Variants in POTEI observed in about 807,000 individuals in gnomAD.
The protein encoded by POTEI is POTE ankyrin domain family member I.
Under a neutral mutation model 43.4 loss-of-function variants are expected in POTEI, and 14 were observed. The ratio of observed to expected loss-of-function variants is 0.32; its 90% CI spans 0.21 to 0.50. The LOEUF (loss-of-function observed/expected upper bound fraction) is 0.50. Among genes scored for constraint, POTEI ranks in the 20% least tolerant of loss-of-function variants. POTEI has a pLI of 0.98. For synonymous variants in POTEI, 95 were observed against 297.9 expected (o/e 0.32, Z 7.01); for missense variants, 235 against 795.4 (o/e 0.30, Z 8.47).
At chr2:130,468,864 G>A (rs1682951736) in intron 13 of POTEI, among the ~76,000 whole-genome samples, 1 of 152,134 alleles carries the variant, frequency 6.6e-6, no homozygotes, top group Admixed American at 6.5e-5. Flanking sequence ...AGCTAGATTT[G>A]CCAGCAGAAA....
Position 130,478,545 on chromosome 2 carries a change from C to T in POTEI, c.1481-1844G>A, listed in dbSNP as rs1377162023. Among the ~76,000 whole-genome samples, 13 of 87,016 alleles carry T rather than the reference C, an allele frequency of 1.5e-4. 1 individual carries two copies. In the South Asian group the frequency reaches 1.8e-3, roughly 12 times the overall value. 57.1% of individuals were successfully genotyped at this position (87,016 alleles called of 152,430 possible). On this transcript the variant is annotated intron_variant, in intron 10 of 14. Coordinates refer to ENST00000451531, the MANE Select transcript of POTEI (RefSeq NM_001277406.2). ...CTAAAAAATTCTGATTGGCTGCAGG[C>T]GGCAAGAGGGAAAAACACAAAGCAC...
intron 10 of POTEI, among the ~76,000 whole-genome samples, chr2:130,477,872 G>T (rs1249718979): frequency 7.0e-6 from 1 of 142,090 alleles, no homozygotes; most frequent in Admixed American, 7.0e-5. Context: ...CGGGAGCGAG[G>T]CCTGAAAGAG....
intron 4 of POTEI, 73 bp downstream of exon 4, chr2:130,500,463 C>T (rs1478939172): frequency 1.1e-6 from 1 of 928,966 alleles, no homozygotes; most frequent in Non-Finnish European, 1.6e-6. Flanking sequence ...ATACATTAAT[C>T]TTATTAATTT....
At chr2:130,479,680 G>A (rs1232316317) in intron 10 of POTEI, among the ~76,000 whole-genome samples, 1 of 57,172 alleles carries the variant, frequency 1.7e-5, no homozygotes, top group Non-Finnish European at 3.3e-5. Flanking sequence ...TTTCCCACCT[G>A]GTCCTTTAAA....
intron 1 of POTEI, among the ~76,000 whole-genome samples, chr2:130,507,365 T>C (rs1157821469): frequency 2.8e-4 from 4 of 14,446 alleles, no homozygotes; most frequent in East Asian, 2.3e-3. Flanking sequence ...TACACACACA[T>C]ATATATGTAT....
Position 130,461,430 on chromosome 2 carries a change from A to G in POTEI, c.*1386T>C, listed in dbSNP as rs1228617741. The G allele has an allele frequency of 6.6e-6, 1 of 152,054 alleles. No individual in the cohort carries two copies. The highest frequency in any genetic ancestry group is 2.4e-5 in the African/African-American group (1 of 41,244). 9.4% of individuals were successfully genotyped at this position (152,054 alleles called of 1,614,324 possible). ...TGAAAGACTTCACCCACTGACTAGAAATGTGGTCAGGGACTGACGTAAACA... is the reference window on the plus strand; with the variant it reads ...TGAAAGACTTCACCCACTGACTAGAGATGTGGTCAGGGACTGACGTAAACA... On this transcript the variant is annotated 3_prime_UTR_variant, in exon 15 of 15. Coordinates refer to ENST00000451531, the MANE Select transcript of POTEI (RefSeq NM_001277406.2).
At chr2:130,507,311 T>C (rs1295460617) in intron 1 of POTEI, among the ~76,000 whole-genome samples, 3 of 10,810 alleles carry the variant, frequency 2.8e-4, no homozygotes, top group Non-Finnish European at 7.9e-4. Flanking sequence ...TATATATATA[T>C]ATATATACAC....
chr2:130,468,529 GC>G, intron 13 of POTEI, among the ~76,000 whole-genome samples: 1 of 151,786 alleles, frequency 6.6e-6, no homozygotes, highest in Non-Finnish European at 1.5e-5. Flanking sequence ...GAGAAGTGAA[GC>G]GCAAAGAGCC....
chr2:130,477,294 C>T (rs1317434787), intron 10 of POTEI, among the ~76,000 whole-genome samples: 230 of 145,926 alleles, frequency 1.6e-3, no homozygotes, highest in African/African-American at 5.6e-3. Context: ...ACTGTGATTA[C>T]AGGCAAGCAC....
intron 4 of POTEI, among the ~76,000 whole-genome samples, 158 bp downstream of exon 4, chr2:130,500,376 TTA>T (rs1435623359): frequency 3.4e-5 from 5 of 148,966 alleles, no homozygotes; most frequent in Admixed American, 1.3e-4. Context: ...AAACTGTTCT[TTA>T]TGTTGCCCAG....
intron 10 of POTEI, among the ~76,000 whole-genome samples, chr2:130,479,016 C>T (rs1382773733): frequency 5.7e-5 from 7 of 123,610 alleles, no homozygotes; most frequent in African/African-American, 1.6e-4. Context: ...TCTTTGCTCT[C>T]CTGTATTCAC....
chr2:130,479,322 T>C (rs911962103), intron 10 of POTEI, among the ~76,000 whole-genome samples: 1 of 149,272 alleles, frequency 6.7e-6, no homozygotes, highest in South Asian at 2.1e-4. Context: ...AAGGCCAACA[T>C]AGTAAAATGA....
At chr2:130,478,639 G>A (rs1243623595) in intron 10 of POTEI, among the ~76,000 whole-genome samples, 4 of 132,726 alleles carry the variant, frequency 3.0e-5, no homozygotes, top group African/African-American at 3.2e-5. Context: ...CTCTAGGACC[G>A]AATTTGCTGT....
chr2:130,509,207 G>T lies in POTEI; in HGVS notation c.29C>A (p.Ala10Asp), dbSNP rs1403817962. 2 of 1,463,466 alleles carry T rather than the reference G, an allele frequency of 1.4e-6. No homozygotes were observed. The highest frequency in any genetic ancestry group is 2.4e-5 in the South Asian group (2 of 83,146). The allele number at this position is 1,463,466 out of a possible 1,614,324, so 90.7% of individuals were successfully genotyped here. A position where few individuals can be genotyped will look rare whatever the true frequency, so the allele number is the denominator to read the frequency against. The change falls in exon 1 of 15, where the codon GCT becomes GAT. Residue 10 changes from alanine (A) to aspartate (D), a missense_variant. Coordinates refer to ENST00000451531, the MANE Select transcript of POTEI (RefSeq NM_001277406.2). ...AAATGGCTTCTTCACAGAAGAGGCA[G>T]CCGGCATTGAATCAACCTCAGCTAC... MVAEVDSMP[A>D]ASSVKKPFVL...
At chr2:130,477,436 G>A (rs1283978551) in intron 10 of POTEI, among the ~76,000 whole-genome samples, 2 of 149,794 alleles carry the variant, frequency 1.3e-5, no homozygotes, top group African/African-American at 2.5e-5. Flanking sequence ...ACCACACCTG[G>A]CCTTATTTTC....
chr2:130,494,108 A>G lies in POTEI; in HGVS notation c.1126+2444T>C, dbSNP rs1456383751. Among the ~76,000 whole-genome samples, 15 of 38,520 alleles carry G rather than the reference A, an allele frequency of 3.9e-4. 6 individuals are homozygous for G. The highest frequency in any genetic ancestry group is 1.4e-3 in the Admixed American group (4 of 2,840). The allele number at this position is 38,520 out of a possible 152,430, so 25.3% of individuals were successfully genotyped here. A position where few individuals can be genotyped will look rare whatever the true frequency, so the allele number is the denominator to read the frequency against. ...TATGGTTTTGTAAATAAAGTTTTAT[A>G]GGAGCTCAGTCATGCCTGTTTGCTT... On this transcript the variant is annotated intron_variant, in intron 6 of 14. Transcript: ENST00000451531.
chr2:130,500,133 C>T (rs1440990440), intron 4 of POTEI, among the ~76,000 whole-genome samples: 2 of 72,196 alleles, frequency 2.8e-5, no homozygotes, highest in African/African-American at 8.0e-5. Flanking sequence ...ATTTTCAACC[C>T]CTATTTATGT....
At position 130,508,765 on chromosome 2, in the gene POTEI, C is replaced by T; in HGVS notation, c.471G>A (p.Leu157=). The T allele has an allele frequency of 7.2e-7, 1 of 1,390,260 alleles. No individual in the cohort carries two copies. Among genetic ancestry groups the T allele is most frequent in the Non-Finnish European group, 9.6e-7 (1 of 1,038,546 alleles). The allele number at this position is 1,390,260 out of a possible 1,614,324, so 86.1% of individuals were successfully genotyped here. A position where few individuals can be genotyped will look rare whatever the true frequency, so the allele number is the denominator to read the frequency against. ...CGTCAGTGTCCCTGAGCATGACGAT[C>T]AGATCCTTTCTGGCGACTTTACCCC... ...AWWGKVARKD[L]IVMLRDTDVN... Residue 157 remains leucine (L), a synonymous_variant, in exon 1 of 15, where the codon CTG becomes CTA. Coordinates refer to ENST00000451531, the MANE Select transcript of POTEI (RefSeq NM_001277406.2).
chr2:130,477,186 T>C (rs1184375480), intron 10 of POTEI, among the ~76,000 whole-genome samples: 2 of 150,404 alleles, frequency 1.3e-5, no homozygotes, highest in East Asian at 3.9e-4. Context: ...AACCAGGGTC[T>C]TCCTCTGTCA....
Sources: allele counts gnomAD v4.1 joint callset (sites outside exome capture counted in the v4.1 genomes callset), GRCh38; gene constraint gnomAD v4.1.1; transcripts MANE v1.5; gene names NCBI Gene and HGNC (gene_info 2026-07-23, HGNC 2026-07-21).